The following FAT3 variants were observed in gnomAD, a reference collection of about 807,000 sequenced individuals.
FAT3 encodes the protein FAT atypical cadherin 3.
In FAT3, 95 loss-of-function variants were observed where a neutral mutation model predicts 310.2. The ratio of observed to expected loss-of-function variants is 0.31; its 90% CI spans 0.26 to 0.36. FAT3 has a LOEUF of 0.36. Among genes scored for constraint, FAT3 ranks in the 10% least tolerant of loss-of-function variants. The pLI is 1.00. For synonymous variants in FAT3, 2,314 were observed against 2,192.9 expected (o/e 1.06, Z -1.54); for missense variants, 5,408 against 5,715.6 (o/e 0.95, Z 1.74).
At chr11:92,646,909 G>A (rs1316812742) in intron 3 of FAT3, among the ~76,000 whole-genome samples, 6 of 152,122 alleles carry the variant, frequency 3.9e-5, no homozygotes, top group South Asian at 4.1e-4. Flanking sequence ...ATTTCTAAAT[G>A]TATTTTCTGT....
chr11:92,397,604 ATAGC>A (rs907818941), intron 2 of FAT3, among the ~76,000 whole-genome samples: 23 of 152,274 alleles, frequency 1.5e-4, no homozygotes, highest in African/African-American at 5.5e-4. Flanking sequence ...CAATGGACTC[ATAGC>A]AAGTCTCACG....
intron 17 of FAT3, 106 bp from the exon 18 acceptor site, chr11:92,840,456 C>A: frequency 1.8e-6 from 2 of 1,110,014 alleles, no homozygotes; most frequent in South Asian, 1.9e-5. Flanking sequence ...GCTCAGCACT[C>A]TCAGCCTGAA....
rs1302895470 is a variant in FAT3 at position 92,801,844 on chromosome 11, C to G, written c.8831C>G (p.Ala2944Gly). 4.3e-6 allele frequency: 7 copies of G among 1,613,826 alleles called. No homozygotes were observed. Among genetic ancestry groups the G allele is most frequent in the Non-Finnish European group, 5.9e-6 (7 of 1,179,842 alleles). Residue 2944 changes from alanine (A) to glycine (G), a missense_variant, in exon 10 of 28, where the codon GCC becomes GGC. Physicochemically the swap from Ala to Gly is moderately conservative, Grantham distance 60 (BLOSUM62 0). Transcript: ENST00000525166. ...KESDPPGEVV[A>G]VLSTWDRDTS... ...AGCGACCCACCGGGCGAGGTGGTAG[C>G]CGTCCTCAGCACCTGGGACAGAGAC... is the stretch of plus-strand genomic sequence containing the variant.
chr11:92,408,927 A>G (rs887210027), intron 2 of FAT3, among the ~76,000 whole-genome samples: 7 of 152,192 alleles, frequency 4.6e-5, no homozygotes, highest in Non-Finnish European at 1.0e-4. Context: ...TTGATGAGAA[A>G]ATAAAATGGA....
intron 3 of FAT3, among the ~76,000 whole-genome samples, chr11:92,691,510 T>C (rs1591613479): frequency 6.6e-6 from 1 of 152,084 alleles, no homozygotes; most frequent in Admixed American, 6.6e-5. Context: ...ATCCTCCCAC[T>C]TCAGCCTCCC....
intron 3 of FAT3, among the ~76,000 whole-genome samples, chr11:92,617,493 G>A (rs192442137): frequency 6.6e-6 from 1 of 152,284 alleles, no homozygotes; most frequent in East Asian, 1.9e-4. Context: ...ACTCGTCAAA[G>A]TCATTCTCTG....
intron 3 of FAT3, among the ~76,000 whole-genome samples, chr11:92,542,034 G>A (rs1395033405): frequency 6.6e-6 from 1 of 151,894 alleles, no homozygotes; most frequent in Non-Finnish European, 1.5e-5. Context: ...AAAAGCAACA[G>A]ACATTATAAC....
intron 4 of FAT3, among the ~76,000 whole-genome samples, chr11:92,724,379 G>A (rs1944940769): frequency 1.3e-5 from 2 of 152,160 alleles, no homozygotes; most frequent in Non-Finnish European, 2.9e-5. Context: ...CACTTAGACT[G>A]TATTTTACTG....
chr11:92,391,800 G>A (rs10830910), intron 2 of FAT3, among the ~76,000 whole-genome samples: 11,829 of 152,102 alleles, frequency 0.078, 672 homozygotes, highest in African/African-American at 0.15. Flanking sequence ...GACAGTGGCC[G>A]TGTTTCCTCA....
At chr11:92,887,570 C>A (rs372392713) in intron 25 of FAT3, among the ~76,000 whole-genome samples, 1 of 152,168 alleles carries the variant, frequency 6.6e-6, no homozygotes, top group East Asian at 1.9e-4. Context: ...ATTGAATCCC[C>A]CTTGTAATCA....
chr11:92,798,052 T>G lies in FAT3; in HGVS notation c.5039T>G (p.Val1680Gly). ...ATTCACAAAGACTACCAAGCAGAAGTAAATGAAAATGTTGACATTGGAACA... is the reference window on the plus strand; with the variant it reads ...ATTCACAAAGACTACCAAGCAGAAGGAAATGAAAATGTTGACATTGGAACA... ...KFIHKDYQAE[V>G]NENVDIGTSV... The change falls in exon 10 of 28, where the codon GTA becomes GGA. Residue 1680 changes from valine (V) to glycine (G), a missense_variant. By Grantham distance (109) the Val-to-Gly change is moderately radical. Coordinates refer to ENST00000525166, the MANE Select transcript of FAT3 (RefSeq NM_001367949.2). 1 of 1,613,874 alleles carries G rather than the reference T, an allele frequency of 6.2e-7. No homozygotes were observed. Among genetic ancestry groups the G allele is most frequent in the Non-Finnish European group, 8.5e-7 (1 of 1,179,856 alleles).
Position 92,550,766 on chromosome 11 carries a change from T to A in FAT3, c.3607+25818T>A, listed in dbSNP as rs1465992413. Among the ~76,000 whole-genome samples, 7 of 98,520 alleles carry A rather than the reference T, an allele frequency of 7.1e-5. No individual in the cohort carries two copies. The Admixed American group carries it at 9.2e-4, about 13-fold the overall frequency. 64.6% of individuals were successfully genotyped at this position (98,520 alleles called of 152,430 possible). ...TGTTCCTTTCACCTGGTTGCCACAT[T>A]TATCTTTTTTTTTTTTTTTTAAAAG... On this transcript the variant is annotated intron_variant, in intron 3 of 27. Transcript: ENST00000525166.
intron 4 of FAT3, among the ~76,000 whole-genome samples, chr11:92,741,595 T>C (rs1945512769): frequency 6.6e-6 from 1 of 152,234 alleles, no homozygotes; most frequent in South Asian, 2.1e-4. Flanking sequence ...TTAATGACAG[T>C]AGTCACCTTG....
intron 3 of FAT3, among the ~76,000 whole-genome samples, chr11:92,635,201 C>T (rs968599476): frequency 1.3e-5 from 2 of 152,120 alleles, no homozygotes; most frequent in African/African-American, 4.8e-5. Context: ...GAGGTCTGTG[C>T]ATTCTTGAGC....
chr11:92,855,738 C>G (rs1329562510), intron 19 of FAT3, among the ~76,000 whole-genome samples: 5 of 152,090 alleles, frequency 3.3e-5, no homozygotes, highest in African/African-American at 1.2e-4. Flanking sequence ...ACAGCCCTTT[C>G]CAAATTTTCA....
chr11:92,812,837 G>A (rs757520403), intron 13 of FAT3, among the ~76,000 whole-genome samples: 2 of 152,006 alleles, frequency 1.3e-5, no homozygotes, highest in East Asian at 1.9e-4. Flanking sequence ...ATATGGTTTG[G>A]CTGTGACCCC....
At chr11:92,428,166 G>A (rs982941182) in intron 2 of FAT3, among the ~76,000 whole-genome samples, 2 of 152,032 alleles carry the variant, frequency 1.3e-5, no homozygotes, top group East Asian at 3.9e-4. Context: ...TTGCCTAGAA[G>A]TGTTTATAGT....
Position 92,227,766 on chromosome 11 carries a change from T to TC in FAT3, c.-18+2593dup, listed in dbSNP as rs1216914955. Among the ~76,000 whole-genome samples, 7 of 139,284 alleles carry TC rather than the reference T, an allele frequency of 5.0e-5. No individual in the cohort carries two copies. In the East Asian group the frequency reaches 1.4e-3, roughly 28 times the overall value. The allele number at this position is 139,284 out of a possible 152,430, so 91.4% of individuals were successfully genotyped here. Reference sequence around the variant, plus strand: ...TCTTTCTTCTTCTTTTTTTTTTTTTTCTTTATTCCTAAATTGGAGCAATTG... The same window carrying TC: ...TCTTTCTTCTTCTTTTTTTTTTTTTTCCTTTATTCCTAAATTGGAGCAATTG... On this transcript the variant is annotated intron_variant, in intron 1 of 27. Coordinates refer to ENST00000525166, the MANE Select transcript of FAT3 (RefSeq NM_001367949.2).
At chr11:92,374,988 T>TA (rs1185866809) in intron 2 of FAT3, among the ~76,000 whole-genome samples, 3 of 152,104 alleles carry the variant, frequency 2.0e-5, no homozygotes, top group African/African-American at 7.2e-5. Context: ...GTTGGGAGCA[T>TA]AAAACATTCA....
Sources: gnomAD v4.1 joint callset for allele counts (sites outside exome capture counted in the v4.1 genomes callset) on GRCh38, gnomAD v4.1.1 for gene constraint, MANE v1.5 for transcripts, NCBI Gene and HGNC (gene_info 2026-07-23, HGNC 2026-07-21) for gene names.